Variants in DCC observed in about 807,000 individuals in gnomAD.
DCC encodes netrin receptor DCC.
DCC carries 58 observed loss-of-function variants against 172.5 expected under a neutral mutation model. The ratio of observed to expected loss-of-function variants is 0.34; its 90% CI spans 0.27 to 0.42. The LOEUF (loss-of-function observed/expected upper bound fraction) is 0.42. Among genes scored for constraint, DCC ranks in the 10% least tolerant of loss-of-function variants. DCC has a pLI of 1.00. For missense variants in DCC, 1,740 were observed against 1,791.0 expected (o/e 0.97, Z 0.51); for synonymous variants, 709 against 644.5 (o/e 1.10, Z -1.52).
At chr18:52,349,329 G>C (rs1379761319) in intron 1 of DCC, among the ~76,000 whole-genome samples, 1 of 152,180 alleles carries the variant, frequency 6.6e-6, no homozygotes, top group Non-Finnish European at 1.5e-5. Context: ...TTAGAGATGT[G>C]AGCCAAGGCT....
chr18:52,783,049 G>A (rs1039590453), intron 2 of DCC, among the ~76,000 whole-genome samples: 8 of 151,976 alleles, frequency 5.3e-5, no homozygotes, highest in African/African-American at 1.9e-4. Flanking sequence ...TGTGTTAGAT[G>A]TTTCTAAAAG....
chr18:52,841,863 G>A (rs2145319430), intron 2 of DCC, among the ~76,000 whole-genome samples: 1 of 152,194 alleles, frequency 6.6e-6, no homozygotes, highest in South Asian at 2.1e-4. Context: ...TTCTGGAAGT[G>A]TGGTCCTGGA....
intron 5 of DCC, among the ~76,000 whole-genome samples, chr18:53,041,828 G>A (rs992362292): frequency 2.6e-5 from 4 of 151,856 alleles, no homozygotes; most frequent in African/African-American, 4.8e-5. Flanking sequence ...TTTGTGTATA[G>A]GAATGCTTGT....
intron 15 of DCC, among the ~76,000 whole-genome samples, chr18:53,374,352 A>G (rs1447712498): frequency 6.6e-6 from 1 of 152,200 alleles, no homozygotes; most frequent in East Asian, 1.9e-4. Flanking sequence ...GCCTCTGAAT[A>G]ATGAAAAAAG....
chr18:53,398,927 G>A (rs1232802624), intron 18 of DCC, among the ~76,000 whole-genome samples: 1 of 152,130 alleles, frequency 6.6e-6, no homozygotes, highest in East Asian at 1.9e-4. Context: ...TTATAACTGT[G>A]AGAAGGAAAT....
chr18:53,470,445 C>T (rs139214380), intron 25 of DCC, among the ~76,000 whole-genome samples: 2,140 of 152,242 alleles, frequency 0.014, 62 homozygotes, highest in African/African-American at 0.049. Context: ...TCTGAGCCCT[C>T]CAAATTGTTC....
At chr18:52,800,914 A>G (rs2037972667) in intron 2 of DCC, among the ~76,000 whole-genome samples, 1 of 152,148 alleles carries the variant, frequency 6.6e-6, no homozygotes, top group Non-Finnish European at 1.5e-5. Flanking sequence ...ATAATTATGC[A>G]CCTACTATAA....
intron 14 of DCC, among the ~76,000 whole-genome samples, chr18:53,337,096 T>G (rs1307751483): frequency 6.6e-6 from 1 of 152,222 alleles, no homozygotes; most frequent in East Asian, 1.9e-4. Context: ...TGAATAAAAT[T>G]GTGTAGTTAC....
intron 5 of DCC, among the ~76,000 whole-genome samples, chr18:52,951,250 T>C (rs1402239590): frequency 6.6e-6 from 1 of 152,138 alleles, no homozygotes; most frequent in Non-Finnish European, 1.5e-5. Context: ...CCTGCCTCCA[T>C]AGGGCATATG....
intron 14 of DCC, among the ~76,000 whole-genome samples, chr18:53,337,728 A>C: frequency 6.6e-6 from 1 of 152,348 alleles, no homozygotes; most frequent in Admixed American, 6.5e-5. Flanking sequence ...TCTTTTGAAA[A>C]TGTTACCTAT....
chr18:52,642,407 C>T (rs545311018), intron 1 of DCC, among the ~76,000 whole-genome samples: 1 of 152,018 alleles, frequency 6.6e-6, no homozygotes, highest in South Asian at 2.1e-4. Context: ...CAAAATCTCA[C>T]AAATCACCAG....
chr18:52,407,357 T>G (rs531044620), intron 1 of DCC, among the ~76,000 whole-genome samples: 6 of 152,068 alleles, frequency 3.9e-5, no homozygotes, highest in Admixed American at 6.6e-5. Context: ...TTGAGTAATA[T>G]AAACCTAATA....
At chr18:53,433,184 C>G (rs147099923) in intron 21 of DCC, among the ~76,000 whole-genome samples, 1 of 152,070 alleles carries the variant, frequency 6.6e-6, no homozygotes, top group Admixed American at 6.6e-5. Context: ...TCTCACCCAG[C>G]GCTTTGACCT....
At chr18:52,920,482 A>G (rs1011580846) in intron 3 of DCC, among the ~76,000 whole-genome samples, 6 of 151,228 alleles carry the variant, frequency 4.0e-5, no homozygotes, top group African/African-American at 1.5e-4. Context: ...AACTTAAAAC[A>G]TCTATTATAT....
At chr18:52,478,186 A>T (rs192650388) in intron 1 of DCC, among the ~76,000 whole-genome samples, 1 of 151,914 alleles carries the variant, frequency 6.6e-6, no homozygotes, top group African/African-American at 2.4e-5. Flanking sequence ...TTACTTAGAG[A>T]TTAATTTCTC....
At chr18:52,520,289 T>C (rs1174370545) in intron 1 of DCC, among the ~76,000 whole-genome samples, 1 of 152,196 alleles carries the variant, frequency 6.6e-6, no homozygotes, top group Admixed American at 6.5e-5. Flanking sequence ...TTCCTATGAA[T>C]GGTCACTCCC....
In DCC at chr18:53,325,195, TC is replaced by T. The variant is rs2057453552; in HGVS notation, c.2164+3039del. ...GAGACAGAGCAAGCAAGACTCCATC[TC>T]AAAAAAAAAAAAAAAAAAAAAAGTT... On this transcript the variant is annotated intron_variant, in intron 14 of 28. Transcript: ENST00000442544. Among the ~76,000 whole-genome samples the T allele has an allele frequency of 1.6e-4, 5 of 31,916 alleles. No homozygotes were observed. In the South Asian group the frequency reaches 3.6e-3, roughly 23 times the overall value. 20.9% of individuals were successfully genotyped at this position (31,916 alleles called of 152,430 possible).
At chr18:52,553,702 G>C (rs973246590) in intron 1 of DCC, among the ~76,000 whole-genome samples, 1 of 152,048 alleles carries the variant, frequency 6.6e-6, no homozygotes, top group Admixed American at 6.6e-5. Flanking sequence ...AGAGCTCAAA[G>C]GGGGTCTAGA....
chr18:53,201,974 A>G (rs973305424), intron 9 of DCC, among the ~76,000 whole-genome samples: 2 of 152,154 alleles, frequency 1.3e-5, no homozygotes, highest in African/African-American at 4.8e-5. Context: ...ATTACTTTGG[A>G]GTCATGAAAC....
Sources: allele counts gnomAD v4.1 joint callset (sites outside exome capture counted in the v4.1 genomes callset), GRCh38; gene constraint gnomAD v4.1.1; transcripts MANE v1.5; gene names NCBI Gene and HGNC (gene_info 2026-07-23, HGNC 2026-07-21).